SCN7A: variants seen among roughly 807,000 people sequenced by gnomAD.
The protein encoded by SCN7A is sodium voltage-gated channel alpha subunit 7.
SCN7A carries 138 observed loss-of-function variants against 155.2 expected under a neutral mutation model. The ratio of observed to expected loss-of-function variants is 0.89; its 90% CI spans 0.77 to 1.02. SCN7A has a LOEUF of 1.02. Among genes scored for constraint, SCN7A ranks in the 50% least tolerant of loss-of-function variants. The pLI, the probability that SCN7A is intolerant of heterozygous loss-of-function variation, is 0.00. For synonymous variants in SCN7A, 693 were observed against 649.0 expected (o/e 1.07, Z -1.03); for missense variants, 2,058 against 1,986.6 (o/e 1.04, Z -0.68).
At position 166,494,148 on chromosome 2, in the gene SCN7A, G is replaced by C. The variant is rs2105554149; in HGVS notation, c.-308C>G. ...TGTCCTCACCAGCTGTGGCTCTGCA[G>C]TAAATGGGCCCCACTAAATGGCCAG... On this transcript the variant is annotated 5_prime_UTR_variant, in exon 1 of 26. Transcript: ENST00000643258. The C allele has an allele frequency of 6.6e-6, 1 of 152,522 alleles. No homozygotes were observed. The highest frequency in any genetic ancestry group is 6.5e-5 in the Admixed American group (1 of 15,292). 9.4% of individuals were successfully genotyped at this position (152,522 alleles called of 1,614,324 possible).
At chr2:166,408,772 T>C (rs1354105357) in intron 25 of SCN7A, among the ~76,000 whole-genome samples, 1 of 152,034 alleles carries the variant, frequency 6.6e-6, no homozygotes, top group Non-Finnish European at 1.5e-5. Context: ...CATAGAATAG[T>C]GCTTGATGCA....
chr2:166,437,747 T>C (rs1188437522), intron 15 of SCN7A, among the ~76,000 whole-genome samples: 2 of 152,156 alleles, frequency 1.3e-5, no homozygotes, highest in Non-Finnish European at 2.9e-5. Flanking sequence ...AAGGAGATCA[T>C]TTTGGAACTT....
At chr2:166,453,151 A>T (rs1301561217) in intron 11 of SCN7A, among the ~76,000 whole-genome samples, 3 of 152,092 alleles carry the variant, frequency 2.0e-5, no homozygotes, top group Non-Finnish European at 2.9e-5. Flanking sequence ...TACATTTCCC[A>T]CTTTGGAGAC....
rs1413623236 is a variant in SCN7A at position 166,427,800 on chromosome 2, G to A, written c.2841C>T (p.Ser947=). The change falls in exon 18 of 26, where the codon AGC becomes AGT. Residue 947 remains serine (S), a synonymous_variant. Coordinates refer to ENST00000643258, the MANE Select transcript of SCN7A (RefSeq NM_002976.4). ...KCFIGLVTLL[S]TGTLAFEDIY... Reference sequence around the variant, plus strand: ...GCTGCCCACTTACCAGAGTGCCAGTGCTGAGCAGAGTAACAAGCCCAATAA... The same window carrying A: ...GCTGCCCACTTACCAGAGTGCCAGTACTGAGCAGAGTAACAAGCCCAATAA... 1 of 1,610,482 alleles carries A rather than the reference G, an allele frequency of 6.2e-7. No individual in the cohort carries two copies. The highest frequency in any genetic ancestry group is 8.5e-7 in the Non-Finnish European group (1 of 1,178,282).
chr2:166,455,604 A>G (rs1471029055), intron 11 of SCN7A, among the ~76,000 whole-genome samples: 1 of 152,094 alleles, frequency 6.6e-6, no homozygotes, highest in Non-Finnish European at 1.5e-5. Context: ...ACCAAACGCT[A>G]CCTGGGTGAT....
At chr2:166,481,824 G>A (rs1009149222) in intron 2 of SCN7A, among the ~76,000 whole-genome samples, 6 of 152,276 alleles carry the variant, frequency 3.9e-5, no homozygotes, top group South Asian at 4.1e-4. Context: ...CCAAGTATCC[G>A]AATGGTTCTA....
chr2:166,421,930 C>T (rs770699565), intron 19 of SCN7A, among the ~76,000 whole-genome samples: 72 of 152,204 alleles, frequency 4.7e-4, no homozygotes, highest in Non-Finnish European at 8.2e-4. Flanking sequence ...GATTTTTCTA[C>T]ATTTTCAAAT....
At chr2:166,411,304 G>A (rs1465944041) in intron 23 of SCN7A, among the ~76,000 whole-genome samples, 1 of 151,988 alleles carries the variant, frequency 6.6e-6, no homozygotes, top group African/African-American at 2.4e-5. Flanking sequence ...TGGAGACCGG[G>A]ATGTGAATCA....
chr2:166,407,700 T>A (rs953541077), intron 25 of SCN7A, among the ~76,000 whole-genome samples: 2 of 151,960 alleles, frequency 1.3e-5, no homozygotes, highest in African/African-American at 4.8e-5. Context: ...AATTTTTTTT[T>A]AACCCAGTCT....
At chr2:166,430,456 T>C (rs995642421) in intron 16 of SCN7A, among the ~76,000 whole-genome samples, 6 of 151,912 alleles carry the variant, frequency 3.9e-5, no homozygotes, top group African/African-American at 1.4e-4. Flanking sequence ...TTAAGTAATT[T>C]AAACATAATA....
At chr2:166,493,031 T>G (rs186944927) in intron 1 of SCN7A, among the ~76,000 whole-genome samples, 94 of 152,332 alleles carry the variant, frequency 6.2e-4, no homozygotes, top group Admixed American at 2.6e-3. Flanking sequence ...TAGGTCTTAC[T>G]TGTAAAAACA....
intron 10 of SCN7A, among the ~76,000 whole-genome samples, chr2:166,461,449 G>T (rs1459767134): frequency 6.6e-6 from 1 of 151,952 alleles, no homozygotes; most frequent in African/African-American, 2.4e-5. Context: ...AATTAGTTAC[G>T]AATACAGACT....
At chr2:166,471,529 C>A (rs1265048529) in intron 6 of SCN7A, among the ~76,000 whole-genome samples, 1 of 151,770 alleles carries the variant, frequency 6.6e-6, no homozygotes, top group African/African-American at 2.4e-5. Flanking sequence ...ACATAGCAGA[C>A]ATCTTTATGC....
chr2:166,454,573 T>C (rs1271402705), intron 11 of SCN7A, among the ~76,000 whole-genome samples: 1 of 152,228 alleles, frequency 6.6e-6, no homozygotes, highest in Admixed American at 6.5e-5. Flanking sequence ...GGTATTAATG[T>C]ACCTTACTAT....
At chr2:166,482,767 A>C (rs1379406233) in intron 2 of SCN7A, among the ~76,000 whole-genome samples, 5 of 151,836 alleles carry the variant, frequency 3.3e-5, no homozygotes, top group Non-Finnish European at 7.4e-5. Context: ...ATACTGCAAA[A>C]AAAAAAAAAT....
At chr2:166,432,080 C>T (rs1257055669) in intron 16 of SCN7A, among the ~76,000 whole-genome samples, 2 of 151,952 alleles carry the variant, frequency 1.3e-5, no homozygotes, top group Admixed American at 1.3e-4. Context: ...CTATTACCTC[C>T]CCCCCTCCAT....
At chr2:166,458,787 C>T (rs1465783082) in intron 10 of SCN7A, among the ~76,000 whole-genome samples, 1 of 152,114 alleles carries the variant, frequency 6.6e-6, no homozygotes, top group East Asian at 1.9e-4. Context: ...GTATAGTAGG[C>T]TACATCATCC....
At chr2:166,410,697 A>G (rs1013069627) in intron 23 of SCN7A, among the ~76,000 whole-genome samples, 1 of 152,052 alleles carries the variant, frequency 6.6e-6, no homozygotes, top group African/African-American at 2.4e-5. Context: ...GTATCTTTTA[A>G]TAAGCAGAAA....
chr2:166,418,130 AT>A (rs1373001054), intron 20 of SCN7A, among the ~76,000 whole-genome samples: 1 of 148,844 alleles, frequency 6.7e-6, no homozygotes, highest in Non-Finnish European at 1.5e-5. Flanking sequence ...TATTTATTTT[AT>A]TTTATTTATT....
Sources: gnomAD v4.1 joint callset for allele counts (sites outside exome capture counted in the v4.1 genomes callset) on GRCh38, gnomAD v4.1.1 for gene constraint, MANE v1.5 for transcripts, NCBI Gene and HGNC (gene_info 2026-07-23, HGNC 2026-07-21) for gene names.